HEATR4: variants seen among roughly 807,000 people sequenced by gnomAD.
HEATR4 encodes HEAT repeat containing 4, also known as HEAT repeat-containing protein 4.
In HEATR4, 95 loss-of-function variants were observed where a neutral mutation model predicts 108.8. That is an observed-to-expected ratio of 0.87 (90% CI 0.74 to 1.04). The LOEUF is 1.04. Among genes scored for constraint, HEATR4 ranks in the 50% least tolerant of loss-of-function variants. The probability of loss-of-function intolerance (pLI) is 0.00; values close to 1 mark genes in which losing one functional copy is unlikely to be tolerated. For synonymous variants in HEATR4, 443 were observed against 459.4 expected, an observed-to-expected ratio of 0.96 and a Z score of 0.46; for missense variants, 1,152 against 1,253.8, an observed-to-expected ratio of 0.92 and a Z score of 1.23.
At chr14:73,553,468 G>A (rs373486348) in intron 1 of HEATR4, among the ~76,000 whole-genome samples, 234 of 112,260 alleles carry the variant, frequency 2.1e-3, no homozygotes, top group African/African-American at 6.3e-3. Context: ...CCGGGATCGC[G>A]CCACTGCACT....
At chr14:73,572,720 A>G in the HEATR4 span, among the ~76,000 whole-genome samples, 1 of 143,216 alleles carries the variant, frequency 7.0e-6, no homozygotes, top group Admixed American at 7.4e-5. Context: ...ATCTTGGCTC[A>G]CTGCAACCTC....
the HEATR4 span, among the ~76,000 whole-genome samples, chr14:73,566,904 C>T: frequency 9.2e-5 from 14 of 152,134 alleles, no homozygotes; most frequent in South Asian, 2.1e-4. Flanking sequence ...CTGGGGTTCA[C>T]GCCATTCTCC....
the HEATR4 span, among the ~76,000 whole-genome samples, chr14:73,573,789 C>T: frequency 6.6e-5 from 10 of 151,848 alleles, no homozygotes; most frequent in South Asian, 6.3e-4. Flanking sequence ...TCCAGTGGTG[C>T]GATCTTGGCT....
intron 16 of HEATR4, among the ~76,000 whole-genome samples, chr14:73,494,840 T>G (rs929420020): frequency 6.6e-6 from 1 of 152,140 alleles, no homozygotes; most frequent in African/African-American, 2.4e-5. Context: ...AGAGTCCAGG[T>G]GTGCGCCACC....
intron 5 of HEATR4, among the ~76,000 whole-genome samples, chr14:73,514,992 T>C (rs1314774222): frequency 6.6e-6 from 1 of 150,946 alleles, no homozygotes; most frequent in East Asian, 1.9e-4. Context: ...CACTTGAACC[T>C]GAGAGGCGGA....
the HEATR4 span, among the ~76,000 whole-genome samples, chr14:73,597,775 G>A: frequency 1.3e-5 from 2 of 150,946 alleles, no homozygotes; most frequent in African/African-American, 4.9e-5. Flanking sequence ...TGTATTTTTA[G>A]TAGAGACAGG....
At chr14:73,631,566 ACATTAC>A in the HEATR4 span, 1 of 160,970 alleles carries the variant, frequency 6.2e-6, no homozygotes, top group African/African-American at 2.4e-5. Flanking sequence ...ACAGCCTCCC[ACATTAC>A]CAAGGGCATG....
At chr14:73,489,515 C>G (rs1035238997) in intron 17 of HEATR4, among the ~76,000 whole-genome samples, 3 of 152,086 alleles carry the variant, frequency 2.0e-5, no homozygotes, top group African/African-American at 7.2e-5. Context: ...TTGGTAAAAC[C>G]TATTAATAAT....
At chr14:73,631,680 G>T in the HEATR4 span, 2 of 159,878 alleles carry the variant, frequency 1.3e-5, no homozygotes, top group South Asian at 3.6e-4. Flanking sequence ...TTCGAATGAC[G>T]GCATGGGGTA....
In HEATR4 at chr14:73,506,490, G is replaced by T. The variant is rs375723728; in HGVS notation, c.1963C>A (p.Arg655=). ...NRIVACQAFS[R]ISGNVCLDMK... ...ACCAAGCAGACATTTCCACTGATCC[G>T]GGAGAAAGCCTGGCAGGCCACAATC... is the stretch of plus-strand genomic sequence containing the variant. The change falls in exon 10 of 18, where the codon CGG becomes AGG. Residue 655 remains arginine, a synonymous_variant. Transcript: ENST00000553558. 2 of 1,613,392 alleles carry T rather than the reference G, an allele frequency of 1.2e-6. No homozygotes were observed. Among genetic ancestry groups the T allele is most frequent in the African/African-American group, 2.7e-5 (2 of 74,918 alleles).
the HEATR4 span, chr14:73,573,737 T>C: frequency 1.9e-6 from 2 of 1,047,994 alleles, no homozygotes; most frequent in Non-Finnish European, 1.4e-6. Context: ...ATAGACAGTT[T>C]CTTTTTTTGA....
At chr14:73,572,186 G>C in the HEATR4 span, among the ~76,000 whole-genome samples, 5 of 40,484 alleles carry the variant, frequency 1.2e-4, 1 homozygote, top group South Asian at 2.3e-3. Flanking sequence ...CAGATGAGCA[G>C]TCTGGATTAA....
the HEATR4 span, among the ~76,000 whole-genome samples, chr14:73,587,558 A>AT: frequency 1.3e-5 from 2 of 152,098 alleles, no homozygotes; most frequent in Non-Finnish European, 2.9e-5. Context: ...GTTTTGCCAC[A>AT]TTGGCCAAGC....
rs1013316989 is a variant in HEATR4, at chr14:73,533,356, A to G, written c.-151-3112T>C. ...TGGATAAACAAAATGTGGAAGATAC[A>G]TACAACAGAATGTTATTCAGCCTTA... On this transcript the variant is annotated intron_variant, in intron 1 of 17. Transcript: ENST00000553558. Among the ~76,000 whole-genome samples the G allele has an allele frequency of 3.5e-5, 4 of 115,578 alleles. 1 individual carries two copies. The highest frequency in any genetic ancestry group is 1.1e-4 in the African/African-American group (4 of 35,460). The allele number at this position is 115,578 out of a possible 152,430, so 75.8% of individuals were successfully genotyped here. A position where few individuals can be genotyped will look rare whatever the true frequency, so the allele number is the denominator to read the frequency against.
At chr14:73,569,489 C>T in the HEATR4 span, 2 of 1,612,262 alleles carry the variant, frequency 1.2e-6, no homozygotes, top group Non-Finnish European at 8.5e-7. Flanking sequence ...CGGTGCGAAT[C>T]GCCGTGCGCG....
chr14:73,509,808 GCC>G (rs1348417448), intron 7 of HEATR4, among the ~76,000 whole-genome samples: 2,335 of 63,050 alleles, frequency 0.037, 97 homozygotes, highest in Non-Finnish European at 0.056. Flanking sequence ...TGCCCCATGA[GCC>G]CATATATATA....
At chr14:73,479,444 T>TTCTTTCTTTC (rs1566814217) in intron 17 of HEATR4, among the ~76,000 whole-genome samples, 1 of 145,774 alleles carries the variant, frequency 6.9e-6, no homozygotes, top group East Asian at 2.0e-4. Context: ...TCTTTCTTTT[T>TTCTTTCTTTC]TTTTTTTTTT....
the HEATR4 span, among the ~76,000 whole-genome samples, chr14:73,597,310 T>C: frequency 6.6e-6 from 1 of 151,578 alleles, no homozygotes; most frequent in African/African-American, 2.4e-5. Flanking sequence ...GGTCTCGATC[T>C]CCTGACCTCG....
intron 17 of HEATR4, chr14:73,491,296 G>C (rs1385456076): frequency 6.5e-7 from 1 of 1,543,966 alleles, no homozygotes; most frequent in Non-Finnish European, 8.7e-7. Flanking sequence ...ACGCAGCCCG[G>C]CGAGAGCCAT....
Sources: allele counts gnomAD v4.1 joint callset (sites outside exome capture counted in the v4.1 genomes callset), GRCh38; gene constraint gnomAD v4.1.1; transcripts MANE v1.5; gene names NCBI Gene and HGNC (gene_info 2026-07-23, HGNC 2026-07-21).